PACS1: variants seen among roughly 807,000 people sequenced by gnomAD.
PACS1 encodes phosphofurin acidic cluster sorting protein 1.
PACS1 carries 24 observed loss-of-function variants against 115.0 expected under a neutral mutation model. That is an observed-to-expected ratio of 0.21 (90% CI 0.15 to 0.29). The LOEUF (loss-of-function observed/expected upper bound fraction) is 0.29, where lower values mean the gene tolerates loss of function less well. Ranked by LOEUF, PACS1 falls within the 10% of genes least tolerant of loss-of-function variation. The probability of loss-of-function intolerance (pLI) is 1.00; values close to 1 mark genes in which losing one functional copy is unlikely to be tolerated. For synonymous variants in PACS1, 453 were observed against 504.5 expected (o/e 0.90, Z 1.37); for missense variants, 838 against 1,251.2 (o/e 0.67, Z 4.98).
At chr11:66,227,623 T>C (rs1202449121) in intron 11 of PACS1, 39 bp downstream of exon 11, 5 of 1,328,020 alleles carry the variant, frequency 3.8e-6, no homozygotes, top group South Asian at 1.2e-5. Flanking sequence ...CTGTTTCAAA[T>C]AGTGTTTGTC....
At chr11:66,153,144 G>A (rs966507132) in intron 1 of PACS1, among the ~76,000 whole-genome samples, 1 of 151,506 alleles carries the variant, frequency 6.6e-6, no homozygotes, top group Non-Finnish European at 1.5e-5. Flanking sequence ...TTTGAGATGG[G>A]GGTCTCACTA....
intron 1 of PACS1, among the ~76,000 whole-genome samples, chr11:66,133,845 C>CT (rs1858763040): frequency 1.3e-5 from 2 of 151,946 alleles, no homozygotes; most frequent in South Asian, 4.2e-4. Context: ...ATGCTTTCTT[C>CT]TTTTTTTTCC....
In PACS1 at chr11:66,221,236, A is replaced by G; in HGVS notation, c.1282A>G (p.Thr428Ala). The G allele has an allele frequency of 6.2e-7, 1 of 1,614,164 alleles. No homozygotes were observed. The highest frequency in any genetic ancestry group is 1.3e-5 in the African/African-American group (1 of 75,040). ...LNSKGSLGKDTTSPMELAALE... is the reference protein window; with the variant it reads ...LNSKGSLGKDATSPMELAALE... ...CAGCAAAGGCAGCCTCGGAAAAGAC[A>G]CCACCAGCCCTGTGAGCGCAACCGC... Residue 428 changes from threonine to alanine, a missense_variant, in exon 10 of 24, where the codon ACC (threonine) becomes GCC (alanine). This residue lies in a region of PACS1 where 383 missense variants were observed against 537.0 expected (regional missense o/e 0.71). Transcript: ENST00000320580.
intron 1 of PACS1, among the ~76,000 whole-genome samples, chr11:66,140,564 A>G (rs986055841): frequency 1.3e-5 from 2 of 152,212 alleles, no homozygotes; most frequent in Non-Finnish European, 2.9e-5. Flanking sequence ...AAATGTGTGA[A>G]TAGGCAATAC....
chr11:66,216,001 T>A (rs1855198969), intron 4 of PACS1, 118 bp from the exon 5 acceptor site: 1 of 754,348 alleles, frequency 1.3e-6, no homozygotes, highest in Non-Finnish European at 2.1e-6. Context: ...GATTTGAAAG[T>A]AAGGAAGAAA....
intron 21 of PACS1, chr11:66,241,151 C>T (rs1275815833): frequency 4.8e-6 from 2 of 417,468 alleles, no homozygotes; most frequent in African/African-American, 2.0e-5. Flanking sequence ...CACTTTCTTC[C>T]TTCATAAAGC....
At chr11:66,078,294 C>G (rs1367281359) in intron 1 of PACS1, among the ~76,000 whole-genome samples, 2 of 152,052 alleles carry the variant, frequency 1.3e-5, no homozygotes, top group African/African-American at 2.4e-5. Flanking sequence ...TTTTAGTGAC[C>G]TCGTATAAAT....
chr11:66,162,278 C>T (rs139235087), intron 1 of PACS1, among the ~76,000 whole-genome samples: 139 of 151,884 alleles, frequency 9.2e-4, no homozygotes, highest in Non-Finnish European at 1.6e-3. Flanking sequence ...CCCGCCACCA[C>T]GCCAGGCTAA....
chr11:66,112,231 G>C (rs1407367433), intron 1 of PACS1, among the ~76,000 whole-genome samples: 1 of 152,200 alleles, frequency 6.6e-6, no homozygotes, highest in Non-Finnish European at 1.5e-5. Context: ...ACAAGATCCT[G>C]TTTGGCTTGG....
At chr11:66,196,686 C>G (rs537874458) in intron 2 of PACS1, among the ~76,000 whole-genome samples, 1 of 152,292 alleles carries the variant, frequency 6.6e-6, no homozygotes, top group Admixed American at 6.5e-5. Context: ...CAATCTCCAT[C>G]TCCTGGGTTC....
intron 1 of PACS1, among the ~76,000 whole-genome samples, chr11:66,119,524 A>G (rs934798492): frequency 1.3e-5 from 2 of 152,364 alleles, no homozygotes; most frequent in East Asian, 3.9e-4. Flanking sequence ...GATGGTAGTC[A>G]AAAGGAATGC....
chr11:66,076,855 T>A (rs1857408852), intron 1 of PACS1, among the ~76,000 whole-genome samples: 1 of 152,194 alleles, frequency 6.6e-6, no homozygotes, highest in Non-Finnish European at 1.5e-5. Context: ...TTGGTCTTCT[T>A]CCAGCACAGG....
At chr11:66,145,004 G>A (rs76463171) in intron 1 of PACS1, among the ~76,000 whole-genome samples, 2 of 152,130 alleles carry the variant, frequency 1.3e-5, no homozygotes, top group African/African-American at 4.8e-5. Context: ...GAGGTGATAC[G>A]TTTGAAGATG....
chr11:66,078,876 T>C (rs1036844336), intron 1 of PACS1, among the ~76,000 whole-genome samples: 1 of 152,192 alleles, frequency 6.6e-6, no homozygotes, highest in African/African-American at 2.4e-5. Flanking sequence ...TGTGCTGAGA[T>C]ATAGGAAGGC....
intron 1 of PACS1, among the ~76,000 whole-genome samples, chr11:66,119,663 C>A (rs1386065638): frequency 6.6e-6 from 1 of 152,230 alleles, no homozygotes; most frequent in African/African-American, 2.4e-5. Context: ...AGGCATTTGC[C>A]TCATTCTTGT....
intron 1 of PACS1, among the ~76,000 whole-genome samples, chr11:66,158,213 C>G (rs886412147): frequency 6.6e-6 from 1 of 152,228 alleles, no homozygotes; most frequent in East Asian, 1.9e-4. Context: ...AAGTGATCCA[C>G]TGGCTTTGGC....
At chr11:66,099,789 A>G (rs1857871916) in intron 1 of PACS1, among the ~76,000 whole-genome samples, 2 of 151,696 alleles carry the variant, frequency 1.3e-5, no homozygotes, top group South Asian at 4.2e-4. Context: ...CAAGTGGTCT[A>G]CCCACCTTGG....
chr11:66,088,308 T>G (rs1310701843), intron 1 of PACS1, among the ~76,000 whole-genome samples: 1 of 152,212 alleles, frequency 6.6e-6, no homozygotes, highest in Admixed American at 6.5e-5. Flanking sequence ...CCTTTTATTT[T>G]CTATTTAAGA....
chr11:66,207,022 T>TA (rs1352280280), intron 2 of PACS1, among the ~76,000 whole-genome samples: 3 of 152,254 alleles, frequency 2.0e-5, no homozygotes, highest in African/African-American at 7.2e-5. Context: ...GTTATCAACT[T>TA]ATGGCCAGTC....
Sources: gnomAD v4.1 joint callset for allele counts (sites outside exome capture counted in the v4.1 genomes callset) on GRCh38, gnomAD v4.1.1 for gene constraint, gnomAD v4.1.1 regional missense constraint, MANE v1.5 for transcripts, NCBI Gene and HGNC (gene_info 2026-07-23, HGNC 2026-07-21) for gene names.